SNTB1: variants seen among roughly 807,000 people sequenced by gnomAD.
The protein encoded by SNTB1 is syntrophin beta 1, also known as beta-1-syntrophin.
Under a neutral mutation model 48.9 loss-of-function variants are expected in SNTB1, and 36 were observed. The ratio of observed to expected loss-of-function variants is 0.74; its 90% CI spans 0.56 to 0.97. SNTB1 has a LOEUF of 0.97. SNTB1 is among the 50% of genes least tolerant of loss of function. The probability of loss-of-function intolerance (pLI) is 0.00; values close to 1 mark genes in which losing one functional copy is unlikely to be tolerated. For synonymous variants in SNTB1, 299 were observed against 294.6 expected (o/e 1.01, Z -0.15); for missense variants, 786 against 703.4 (o/e 1.12, Z -1.33).
intron 1 of SNTB1, among the ~76,000 whole-genome samples, chr8:120,707,260 C>T (rs529722740): frequency 6.6e-6 from 1 of 152,238 alleles, no homozygotes; most frequent in East Asian, 1.9e-4. Context: ...TTACCTCCTC[C>T]CCCAAACATA....
chr8:120,630,388 C>T (rs1816959810), intron 3 of SNTB1, among the ~76,000 whole-genome samples: 1 of 152,164 alleles, frequency 6.6e-6, no homozygotes, highest in Admixed American at 6.5e-5. Flanking sequence ...TTCTCCTTGC[C>T]CTTTCTGGTC....
intron 3 of SNTB1, among the ~76,000 whole-genome samples, chr8:120,576,797 G>A (rs1268445065): frequency 6.6e-6 from 1 of 152,156 alleles, no homozygotes; most frequent in Non-Finnish European, 1.5e-5. Context: ...AGCAGAGGGT[G>A]GTTGTGAAGA....
At chr8:120,583,975 C>G (rs1390268170) in intron 3 of SNTB1, among the ~76,000 whole-genome samples, 2 of 152,146 alleles carry the variant, frequency 1.3e-5, no homozygotes, top group Non-Finnish European at 2.9e-5. Flanking sequence ...ACTTAAAATA[C>G]TTTAAAAAGT....
intron 4 of SNTB1, among the ~76,000 whole-genome samples, chr8:120,564,564 G>GTTTTT (rs71306893): frequency 0.052 from 4,335 of 83,998 alleles, 313 homozygotes; most frequent in Non-Finnish European, 0.067. Flanking sequence ...TATTATTCTG[G>GTTTTT]TTTTTTTTTT....
chr8:120,692,707 A>T (rs1034490609), intron 2 of SNTB1, among the ~76,000 whole-genome samples: 8 of 152,172 alleles, frequency 5.3e-5, no homozygotes, highest in African/African-American at 1.9e-4. Context: ...GAGCATAAAG[A>T]GATGCTTAAA....
At chr8:120,715,618 C>T (rs75210652) in intron 1 of SNTB1, among the ~76,000 whole-genome samples, 10,413 of 152,192 alleles carry the variant, frequency 0.068, 394 homozygotes, top group Admixed American at 0.099. Flanking sequence ...GTGGGAGACT[C>T]GATAAAGTTT....
intron 3 of SNTB1, among the ~76,000 whole-genome samples, chr8:120,576,940 G>C (rs935216806): frequency 2.0e-5 from 3 of 152,138 alleles, no homozygotes; most frequent in Non-Finnish European, 2.9e-5. Context: ...AATGTGTTTG[G>C]CATGGTAGCT....
At chr8:120,638,352 T>C (rs1563838242) in intron 2 of SNTB1, 2 of 152,140 alleles carry the variant, frequency 1.3e-5, no homozygotes, top group African/African-American at 2.4e-5. Context: ...TACATCTTGA[T>C]GGGTTAAGGC....
chr8:120,698,793 G>A (rs1333623046), intron 1 of SNTB1, among the ~76,000 whole-genome samples: 2 of 152,110 alleles, frequency 1.3e-5, no homozygotes, highest in Non-Finnish European at 2.9e-5. Flanking sequence ...GCCATGCTTG[G>A]GTGTGGTAAA....
At chr8:120,750,052 T>C (rs1808980380) in intron 1 of SNTB1, among the ~76,000 whole-genome samples, 1 of 152,172 alleles carries the variant, frequency 6.6e-6, no homozygotes, top group South Asian at 2.1e-4. Flanking sequence ...TAAGAAAGCT[T>C]GGTTGAGCTT....
At chr8:120,772,262 T>C (rs1361327844) in intron 1 of SNTB1, among the ~76,000 whole-genome samples, 2 of 151,860 alleles carry the variant, frequency 1.3e-5, no homozygotes, top group East Asian at 3.9e-4. Context: ...TTTTTTTTTT[T>C]TGAGACAGAG....
chr8:120,574,972 G>T, intron 4 of SNTB1, 114 bp downstream of exon 4: 3 of 1,300,876 alleles, frequency 2.3e-6, no homozygotes, highest in Non-Finnish European at 3.2e-6. Flanking sequence ...TTCTTAAGGA[G>T]CTCTCAGCCC....
intron 1 of SNTB1, among the ~76,000 whole-genome samples, chr8:120,758,790 C>T (rs1031622859): frequency 6.6e-6 from 1 of 152,122 alleles, no homozygotes. Context: ...AGAGTGGTCA[C>T]CTAACTTTCC....
chr8:120,576,619 G>A (rs552041404), intron 3 of SNTB1, among the ~76,000 whole-genome samples: 1 of 152,260 alleles, frequency 6.6e-6, no homozygotes, highest in East Asian at 1.9e-4. Flanking sequence ...TTACTGATAA[G>A]GATAATATCA....
rs553985411 is a variant in SNTB1, at chr8:120,592,700, C to T, written c.997-17475G>A. 8.2e-4 allele frequency among the ~76,000 whole-genome samples: 124 copies of T among 152,086 alleles called. 1 individual carries two copies. Among genetic ancestry groups the T allele is most frequent in the South Asian group, 2.5e-3 (12 of 4,808 alleles). On this transcript the variant is annotated intron_variant, in intron 3 of 6. Transcript: ENST00000517992. ...CAGAGAGGACAGGCATTACATAAGC[C>T]GTCAAATAAATAAAGAAATATATCA... is the stretch of plus-strand genomic sequence containing the variant.
At position 120,811,256 on chromosome 8, in the gene SNTB1, C is replaced by A. The variant is rs1279804737; in HGVS notation, c.571+17G>T. On this transcript the variant is annotated intron_variant, in intron 1 of 6. Coordinates refer to ENST00000517992, the MANE Select transcript of SNTB1 (RefSeq NM_021021.4). ...GTGTGCGCGCCCGGCGCGGCCCGCG[C>A]GCTGTTAACCCCTTACCTTCCAGCA... 1.8e-5 allele frequency: 28 copies of A among 1,562,888 alleles called. No individual in the cohort carries two copies. Among genetic ancestry groups the A allele is most frequent in the African/African-American group, 4.1e-5 (3 of 73,700 alleles).
At chr8:120,787,683 CA>C (rs1461635515) in intron 1 of SNTB1, among the ~76,000 whole-genome samples, 2 of 151,834 alleles carry the variant, frequency 1.3e-5, no homozygotes, top group African/African-American at 2.4e-5. Context: ...ACAAAAATTA[CA>C]AAAAAATTAA....
At chr8:120,625,374 T>A (rs1816857873) in intron 3 of SNTB1, among the ~76,000 whole-genome samples, 1 of 152,198 alleles carries the variant, frequency 6.6e-6, no homozygotes, top group African/African-American at 2.4e-5. Flanking sequence ...CACACCCCCC[T>A]GTCTTACATG....
intron 2 of SNTB1, among the ~76,000 whole-genome samples, chr8:120,653,655 A>G (rs1817445843): frequency 6.6e-6 from 1 of 152,144 alleles, no homozygotes; most frequent in Non-Finnish European, 1.5e-5. Context: ...TTTAAAATAT[A>G]TGGGCGCTTA....
Sources: gnomAD v4.1 joint callset for allele counts (sites outside exome capture counted in the v4.1 genomes callset) on GRCh38, gnomAD v4.1.1 for gene constraint, MANE v1.5 for transcripts, NCBI Gene and HGNC (gene_info 2026-07-23, HGNC 2026-07-21) for gene names.